ERCC6: variants seen among roughly 807,000 people sequenced by gnomAD.
The protein encoded by ERCC6 is DNA excision repair protein ERCC-6.
In ERCC6, 116 loss-of-function variants were observed where a neutral mutation model predicts 158.7. The ratio of observed to expected loss-of-function variants is 0.73; its 90% CI spans 0.63 to 0.85. The LOEUF (loss-of-function observed/expected upper bound fraction) is 0.85, where lower values mean the gene tolerates loss of function less well. ERCC6 is among the 40% of genes least tolerant of loss of function. ERCC6 has a pLI of 0.00. For synonymous variants in ERCC6, 678 were observed against 659.3 expected, an observed-to-expected ratio of 1.03 and a Z score of -0.43; for missense variants, 1,698 against 1,799.4, an observed-to-expected ratio of 0.94 and a Z score of 1.02.
At chr10:49,451,370 G>A (rs537301026), downstream of ERCC6, among the ~76,000 whole-genome samples, 1 of 152,150 alleles carries the variant, frequency 6.6e-6, no homozygotes, top group African/African-American at 2.4e-5. Flanking sequence ...ATCTCAGTGG[G>A]AAAGCATTCA....
intron 16 of ERCC6, 77 bp from the exon 17 acceptor site, chr10:49,471,197 G>A (rs2132538244): frequency 2.1e-6 from 3 of 1,441,858 alleles, no homozygotes; most frequent in Non-Finnish European, 2.9e-6. Flanking sequence ...AGCAATATAA[G>A]AGAGAGATGA....
At position 49,464,884 on chromosome 10, in the gene ERCC6, G is replaced by A. The variant is rs1850646762; in HGVS notation, c.3779-3328C>T. Among the ~76,000 whole-genome samples the A allele has an allele frequency of 2.6e-5, 4 of 152,382 alleles. No homozygotes were observed. The South Asian group carries it at 8.3e-4, about 32-fold the overall frequency. ...GATGCCCAGGCAGAAGTTTGCTGCAGGGGCAGGGTTCTCATGGAGAATCTC... is the reference window on the plus strand; with the variant it reads ...GATGCCCAGGCAGAAGTTTGCTGCAAGGGCAGGGTTCTCATGGAGAATCTC... On this transcript the variant is annotated intron_variant, in intron 18 of 20. Transcript: ENST00000355832.
Position 49,498,401 on chromosome 10 carries a change from A to T in ERCC6, c.1685+2137T>A, listed in dbSNP as rs555976852. ...TAAGAGCTATTTTTCTGTAAGACAT[A>T]AGTATAGAGAACTCCCAAGTTCATC... On this transcript the variant is annotated intron_variant, in intron 7 of 20. Transcript: ENST00000355832. 9.2e-5 allele frequency among the ~76,000 whole-genome samples: 14 copies of T among 152,298 alleles called. No individual in the cohort carries two copies. In the South Asian group the frequency reaches 2.9e-3, roughly 32 times the overall value.
At position 49,538,285 on chromosome 10, in the gene ERCC6, C is replaced by T. The variant is rs138119967; in HGVS notation, c.-15+677G>A. ...GGGGACAGGCAAGGGCCAAATCACA[C>T]AAGGCCTGGGAAAACACGAGCATGG... On this transcript the variant is annotated intron_variant, in intron 1 of 20. Coordinates refer to ENST00000355832, the MANE Select transcript of ERCC6 (RefSeq NM_000124.4). Among the ~76,000 whole-genome samples, 358 of 152,328 alleles carry T rather than the reference C, an allele frequency of 2.4e-3. 1 individual carries two copies. The highest frequency in any genetic ancestry group is 8.1e-3 in the African/African-American group (337 of 41,574).
At chr10:49,478,260 C>CT in intron 11 of ERCC6, 94 bp downstream of exon 11, 1 of 938,718 alleles carries the variant, frequency 1.1e-6, no homozygotes, top group East Asian at 2.4e-5. Flanking sequence ...GATCATACCT[C>CT]ACCAGACTCT....
At chr10:49,536,493 G>T (rs1306932742) in intron 1 of ERCC6, among the ~76,000 whole-genome samples, 1 of 152,228 alleles carries the variant, frequency 6.6e-6, no homozygotes, top group South Asian at 2.1e-4. Flanking sequence ...AAATTTGCAG[G>T]TGGAAAGGAG....
At chr10:49,478,583 G>C in intron 10 of ERCC6, 113 bp from the exon 11 acceptor site, 1 of 765,482 alleles carries the variant, frequency 1.3e-6, no homozygotes, top group Non-Finnish European at 2.3e-6. Flanking sequence ...ACCAACAGCT[G>C]TATAAAGTCA....
At chr10:49,512,621 GC>G (rs1267871267) in intron 5 of ERCC6, among the ~76,000 whole-genome samples, 1 of 152,210 alleles carries the variant, frequency 6.6e-6, no homozygotes, top group African/African-American at 2.4e-5. Context: ...ACGTTGAACA[GC>G]CCTTATCCAA....
At chr10:49,485,213 C>T (rs997390605) in intron 8 of ERCC6, among the ~76,000 whole-genome samples, 14 of 152,296 alleles carry the variant, frequency 9.2e-5, no homozygotes, top group African/African-American at 3.1e-4. Context: ...CCATCACTAA[C>T]CCCATTTTAC....
chr10:49,481,254 T>A (rs1451497674), intron 10 of ERCC6, among the ~76,000 whole-genome samples: 1 of 152,204 alleles, frequency 6.6e-6, no homozygotes, highest in Non-Finnish European at 1.5e-5. Flanking sequence ...CTGGGTGAAG[T>A]GTTAAGAAGG....
At position 49,500,628 on chromosome 10, in the gene ERCC6, T is replaced by C. The variant is rs752712823; in HGVS notation, c.1595A>G (p.Asp532Gly). Residue 532 changes from aspartate (D) to glycine (G), a missense_variant, in exon 7 of 21, where the codon GAT becomes GGT. By Grantham distance (94) the Asp-to-Gly change is moderately conservative (BLOSUM62 -1). Transcript: ENST00000355832. ...HCQQAGGILG[D>G]EMGLGKTIQI... ...GATGGTCTTGCCCAATCCCATTTCA[T>C]CTCCCAGAATTCCTCCTGCCTGCTG... The C allele has an allele frequency of 6.2e-7, 1 of 1,613,968 alleles. No individual in the cohort carries two copies. Among genetic ancestry groups the C allele is most frequent in the Non-Finnish European group, 8.5e-7 (1 of 1,179,928 alleles).
chr10:49,527,246 G>T (rs1837361939), intron 4 of ERCC6, among the ~76,000 whole-genome samples: 1 of 152,216 alleles, frequency 6.6e-6, no homozygotes, highest in African/African-American at 2.4e-5. Context: ...AGTCACAGTA[G>T]GAGGTGAAAG....
intron 10 of ERCC6, among the ~76,000 whole-genome samples, chr10:49,480,207 G>C (rs1850953067): frequency 6.6e-6 from 1 of 152,116 alleles, no homozygotes; most frequent in African/African-American, 2.4e-5. Flanking sequence ...CCCCAGGTGA[G>C]TCATCCCTTC....
chr10:49,515,227 C>A (rs1340820795), intron 5 of ERCC6: 1 of 1,387,024 alleles, frequency 7.2e-7, no homozygotes, highest in South Asian at 2.0e-5. Context: ...TTATTATGTT[C>A]CATTGTTATG....
intron 11 of ERCC6, among the ~76,000 whole-genome samples, chr10:49,476,780 G>C (rs1047685224): frequency 6.6e-6 from 1 of 152,012 alleles, no homozygotes; most frequent in African/African-American, 2.4e-5. Context: ...CCAGCCCACT[G>C]CACCAACCAC....
intron 5 of ERCC6, among the ~76,000 whole-genome samples, chr10:49,518,193 T>C (rs1439646217): frequency 1.3e-5 from 2 of 152,190 alleles, no homozygotes; most frequent in Non-Finnish European, 2.9e-5. Context: ...AGGTTGGTGG[T>C]TCTCAGGGCA....
intron 5 of ERCC6, among the ~76,000 whole-genome samples, chr10:49,518,547 T>C (rs4253069): frequency 0.015 from 2,282 of 152,306 alleles, 50 homozygotes; most frequent in African/African-American, 0.051. Flanking sequence ...TCATTGTTCT[T>C]GTGCACCACT....
intron 1 of ERCC6, among the ~76,000 whole-genome samples, chr10:49,535,113 A>G (rs1222909408): frequency 1.3e-5 from 2 of 152,234 alleles, no homozygotes. Context: ...ATCTGCTGAA[A>G]GGAAGTGAGG....
chr10:49,435,511 T>G, the ERCC6 span, among the ~76,000 whole-genome samples: 2 of 152,044 alleles, frequency 1.3e-5, no homozygotes, highest in African/African-American at 4.8e-5. Context: ...AAAAATCAAT[T>G]ACAGAAAGAC....
Sources: allele counts gnomAD v4.1 joint callset (sites outside exome capture counted in the v4.1 genomes callset), GRCh38; gene constraint gnomAD v4.1.1; transcripts MANE v1.5; gene names NCBI Gene and HGNC (gene_info 2026-07-23, HGNC 2026-07-21).